Variants in CDH18 observed in about 807,000 individuals in gnomAD.
CDH18 encodes cadherin 18, also known as cadherin-18.
Under a neutral mutation model 67.9 loss-of-function variants are expected in CDH18, and 31 were observed. The ratio of observed to expected loss-of-function variants is 0.46; its 90% CI spans 0.34 to 0.62. The LOEUF (loss-of-function observed/expected upper bound fraction) is 0.62, where lower values mean the gene tolerates loss of function less well. CDH18 is among the 20% of genes least tolerant of loss of function. The pLI is 0.01. For missense variants in CDH18, 890 were observed against 975.5 expected, an observed-to-expected ratio of 0.91 and a Z score of 1.17; for synonymous variants, 362 against 347.2, an observed-to-expected ratio of 1.04 and a Z score of -0.48.
chr5:20,505,413 CTT>C (rs1373915160), intron 1 of CDH18, among the ~76,000 whole-genome samples: 2 of 151,990 alleles, frequency 1.3e-5, no homozygotes, highest in African/African-American at 4.8e-5. Context: ...AGCAATCTAA[CTT>C]TTTAAATTTT....
At chr5:19,743,904 G>C (rs912799366) in intron 4 of CDH18, among the ~76,000 whole-genome samples, 32 of 134,806 alleles carry the variant, frequency 2.4e-4, no homozygotes, top group Non-Finnish European at 4.6e-5. Context: ...CTGGGCGGCA[G>C]AGTGAGACTC....
chr5:20,411,857 C>T (rs772805869), intron 1 of CDH18, among the ~76,000 whole-genome samples: 4 of 151,830 alleles, frequency 2.6e-5, no homozygotes, highest in Non-Finnish European at 5.9e-5. Context: ...AGGAGAACTA[C>T]AAAACACTGC....
At chr5:20,544,316 A>G (rs1757218327) in intron 1 of CDH18, among the ~76,000 whole-genome samples, 1 of 152,220 alleles carries the variant, frequency 6.6e-6, no homozygotes, top group South Asian at 2.1e-4. Flanking sequence ...AGTTTAAAAA[A>G]AGCACACATA....
chr5:19,909,834 T>C (rs191751357), intron 2 of CDH18, among the ~76,000 whole-genome samples: 5 of 152,286 alleles, frequency 3.3e-5, no homozygotes, highest in Admixed American at 6.5e-5. Flanking sequence ...GTAAGCCAAA[T>C]AAAATCAGTA....
At chr5:19,947,846 C>T (rs1017444721) in intron 2 of CDH18, among the ~76,000 whole-genome samples, 7 of 151,994 alleles carry the variant, frequency 4.6e-5, no homozygotes, top group African/African-American at 1.7e-4. Context: ...GAGAAAATTA[C>T]AGACAGTGAG....
chr5:20,408,369 C>T (rs903065739), intron 1 of CDH18, among the ~76,000 whole-genome samples: 40 of 151,894 alleles, frequency 2.6e-4, no homozygotes, highest in African/African-American at 9.2e-4. Context: ...CAGAATAATG[C>T]ATTTTTTTAA....
intron 1 of CDH18, among the ~76,000 whole-genome samples, chr5:20,456,638 T>G (rs980077133): frequency 6.6e-6 from 1 of 152,168 alleles, no homozygotes; most frequent in African/African-American, 2.4e-5. Context: ...ATGAATCACA[T>G]AACTATCATT....
chr5:19,849,699 C>T (rs368344571), intron 2 of CDH18, among the ~76,000 whole-genome samples: 7 of 15,494 alleles, frequency 4.5e-4, no homozygotes, highest in Admixed American at 9.0e-4. Context: ...TATATATACA[C>T]GCATATATAT....
intron 2 of CDH18, among the ~76,000 whole-genome samples, chr5:20,120,680 T>C (rs986142731): frequency 6.6e-6 from 1 of 152,188 alleles, no homozygotes; most frequent in African/African-American, 2.4e-5. Flanking sequence ...TTATTCTGAT[T>C]ATTTCACATT....
At chr5:20,387,801 C>T (rs141123351) in intron 1 of CDH18, among the ~76,000 whole-genome samples, 2,217 of 152,126 alleles carry the variant, frequency 0.015, 56 homozygotes, top group African/African-American at 0.05. Context: ...TGTCAAAGAC[C>T]TTTTCTGCAC....
intron 1 of CDH18, chr5:20,304,357 T>C (rs1736227507): frequency 6.7e-7 from 1 of 1,503,648 alleles, no homozygotes; most frequent in Non-Finnish European, 9.3e-7. Context: ...TCTTGTAAAA[T>C]AGTTTACACT....
intron 2 of CDH18, among the ~76,000 whole-genome samples, chr5:20,006,882 G>A (rs2150409297): frequency 6.6e-6 from 1 of 151,856 alleles, no homozygotes; most frequent in African/African-American, 2.4e-5. Flanking sequence ...TTAACTTAGA[G>A]GGAAATATGC....
At chr5:20,492,283 T>C (rs555945651) in intron 1 of CDH18, among the ~76,000 whole-genome samples, 1 of 152,228 alleles carries the variant, frequency 6.6e-6, no homozygotes, top group South Asian at 2.1e-4. Context: ...GGTTATAAAT[T>C]TCTTTGGTTT....
chr5:20,120,375 T>C (rs1011148267), intron 2 of CDH18, among the ~76,000 whole-genome samples: 2 of 152,220 alleles, frequency 1.3e-5, no homozygotes, highest in Non-Finnish European at 1.5e-5. Context: ...ATTCACTTAA[T>C]AGGAACACAG....
At chr5:20,110,872 T>C (rs6895301) in intron 2 of CDH18, among the ~76,000 whole-genome samples, 6,638 of 152,194 alleles carry the variant, frequency 0.044, 494 homozygotes, top group African/African-American at 0.15. Flanking sequence ...TCGTAGTAAA[T>C]AAAAACATGT....
At chr5:20,308,954 G>A (rs182159881) in intron 1 of CDH18, among the ~76,000 whole-genome samples, 180 of 152,258 alleles carry the variant, frequency 1.2e-3, no homozygotes, top group Non-Finnish European at 2.1e-3. Flanking sequence ...TCGTACATTA[G>A]AGCACTAAAA....
At chr5:19,820,709 G>A (rs1194148037) in intron 3 of CDH18, among the ~76,000 whole-genome samples, 1 of 152,192 alleles carries the variant, frequency 6.6e-6, no homozygotes, top group African/African-American at 2.4e-5. Context: ...CCAAGGCCCA[G>A]GAATGGAGTT....
At chr5:20,243,686 A>G (rs950210994) in intron 2 of CDH18, among the ~76,000 whole-genome samples, 1 of 152,138 alleles carries the variant, frequency 6.6e-6, no homozygotes, top group African/African-American at 2.4e-5. Context: ...GGTCTTTTGA[A>G]CTTTTATGAT....
At position 20,330,524 on chromosome 5, in the gene CDH18, A is replaced by G. The variant is rs567030966; in HGVS notation, c.-579-75019T>C. 4.6e-5 allele frequency among the ~76,000 whole-genome samples: 7 copies of G among 152,282 alleles called. No individual in the cohort carries two copies. The East Asian group carries it at 1.4e-3, about 29-fold the overall frequency. ...CCAATAAGATCTCTGGAGTTAGGCG[A>G]GTGGGCTCATGCATGCACAGTAACA... is the stretch of plus-strand genomic sequence containing the variant. On this transcript the variant is annotated intron_variant, in intron 1 of 14. Coordinates refer to the CDH18 transcript ENST00000507958.
Sources: allele counts gnomAD v4.1 joint callset (sites outside exome capture counted in the v4.1 genomes callset), GRCh38; gene constraint gnomAD v4.1.1; transcripts MANE v1.5; gene names NCBI Gene and HGNC (gene_info 2026-07-23, HGNC 2026-07-21).